Variants in UBR3 observed in about 807,000 individuals in gnomAD.
The protein encoded by UBR3 is ubiquitin protein ligase E3 component n-recognin 3.
In UBR3, 85 loss-of-function variants were observed where a neutral mutation model predicts 243.2. The observed-to-expected ratio is 0.35, with a 90% CI of 0.29 to 0.42. UBR3 has a LOEUF of 0.42. Among genes scored for constraint, UBR3 ranks in the 10% least tolerant of loss-of-function variants. The pLI, the probability that UBR3 is intolerant of heterozygous loss-of-function variation, is 1.00. For synonymous variants in UBR3, 748 were observed against 799.8 expected (o/e 0.94, Z 1.09); for missense variants, 1,686 against 2,300.8 (o/e 0.73, Z 5.47).
chr2:169,895,261 C>G lies in UBR3; in HGVS notation c.1186C>G (p.Gln396Glu). ...LFWTIKYEFP[Q>E]KMVTFLLNML... ...TTGGACTATAAAATATGAATTCCCT[C>G]AAAAGATGGTAACTTTCTTACTCAA... The change falls in exon 7 of 39, where the codon CAA (glutamine) becomes GAA (glutamate). Residue 396 changes from glutamine to glutamate, a missense_variant. Gln to Glu is a conservative substitution (Grantham distance 29). Around this residue, in one of 8 missense-constraint regions of UBR3, gnomAD observed 200 missense variants for 231.6 expected, o/e 0.86. Transcript: ENST00000272793. 1 of 1,545,614 alleles carries G rather than the reference C, an allele frequency of 6.5e-7. No homozygotes were observed. The highest frequency in any genetic ancestry group is 1.2e-5 in the South Asian group (1 of 82,874).
chr2:170,008,306 T>C (rs1160091961), intron 28 of UBR3, among the ~76,000 whole-genome samples: 1 of 152,238 alleles, frequency 6.6e-6, no homozygotes, highest in Non-Finnish European at 1.5e-5. Flanking sequence ...AAATGCATAC[T>C]TTAAACCTAG....
Position 169,947,362 on chromosome 2 carries a change from A to AT in UBR3, c.2911-174dup, listed in dbSNP as rs1211991191. On this transcript the variant is annotated intron_variant, in intron 21 of 38. Transcript: ENST00000272793. ...CATATTAGTATTGAGATATTCCTGCATTTTTTGTTTGAATTTGGTTTTATT... is the reference window on the plus strand; with the variant it reads ...CATATTAGTATTGAGATATTCCTGCATTTTTTTGTTTGAATTTGGTTTTATT... 4.7e-5 allele frequency: 20 copies of AT among 423,102 alleles called. 1 individual carries two copies. Among genetic ancestry groups the AT allele is most frequent in the Admixed American group, 4.4e-5 (1 of 22,602 alleles). The allele number at this position is 423,102 out of a possible 1,614,324, so 26.2% of individuals were successfully genotyped here.
rs1478891677 is a variant in UBR3 at position 170,003,184 on chromosome 2, T to A, written c.4029+1770T>A. Among the ~76,000 whole-genome samples, 4 of 152,238 alleles carry A rather than the reference T, an allele frequency of 2.6e-5. No homozygotes were observed. In the East Asian group the frequency reaches 7.7e-4, roughly 29 times the overall value. On this transcript the variant is annotated intron_variant, in intron 27 of 38. Coordinates refer to ENST00000272793, the MANE Select transcript of UBR3 (RefSeq NM_172070.4). ...GTATGCCTTCCTCACTCATCTTGAT[T>A]ATAGGAATTGCTTTCTTACTGATTT...
intron 32 of UBR3, among the ~76,000 whole-genome samples, chr2:170,051,068 GTATTTTT>G (rs1196719032): frequency 1.3e-5 from 2 of 152,034 alleles, no homozygotes; most frequent in Admixed American, 1.3e-4. Context: ...TTGTTATACT[GTATTTTT>G]TAGGGCATAA....
intron 5 of UBR3, among the ~76,000 whole-genome samples, chr2:169,882,001 A>G (rs1173154871): frequency 1.6e-5 from 2 of 125,506 alleles, no homozygotes; most frequent in African/African-American, 3.1e-5. Context: ...GTATATTTAT[A>G]TAATATATAA....
intron 35 of UBR3, among the ~76,000 whole-genome samples, chr2:170,064,713 AGTTT>A (rs975045232): frequency 6.6e-6 from 1 of 150,980 alleles, no homozygotes; most frequent in Non-Finnish European, 1.5e-5. Flanking sequence ...TACTAGCAGC[AGTTT>A]GTTTTAATTA....
At chr2:170,076,660 T>G (rs1201827704) in intron 36 of UBR3, among the ~76,000 whole-genome samples, 1 of 152,230 alleles carries the variant, frequency 6.6e-6, no homozygotes, top group Non-Finnish European at 1.5e-5. Flanking sequence ...GCAGCTAATA[T>G]ACAGTCAAAT....
rs56963417 is a variant in UBR3 at position 169,861,606 on chromosome 2, C to CAA, written c.546-10616_546-10615dup. Among the ~76,000 whole-genome samples, 577 of 92,090 alleles carry CAA rather than the reference C, an allele frequency of 6.3e-3. 4 individuals are homozygous for CAA. The highest frequency in any genetic ancestry group is 0.021 in the African/African-American group (541 of 26,154). The allele number at this position is 92,090 out of a possible 152,430, so 60.4% of individuals were successfully genotyped here. On this transcript the variant is annotated intron_variant, in intron 1 of 38. Transcript: ENST00000272793. Reference sequence around the variant, plus strand: ...TGGGTGACAGAGCAAGACTCTGTCTCAAAAAAAAAAAAAAAGAAAAGAAAA... The same window carrying CAA: ...TGGGTGACAGAGCAAGACTCTGTCTCAAAAAAAAAAAAAAAAAGAAAAGAAAA...
In UBR3 at chr2:169,997,892, A is replaced by G. The variant is rs1000905868; in HGVS notation, c.3919-3412A>G. ...TGATAAAAGCACCATTTGATTTTCAAGGAAGTTCTCACTCCAGTCATGGAT... is the reference window on the plus strand; with the variant it reads ...TGATAAAAGCACCATTTGATTTTCAGGGAAGTTCTCACTCCAGTCATGGAT... On this transcript the variant is annotated intron_variant, in intron 26 of 38. Transcript: ENST00000272793. 3.3e-5 allele frequency among the ~76,000 whole-genome samples: 5 copies of G among 152,156 alleles called. No homozygotes were observed. The East Asian group carries it at 7.7e-4, about 24-fold the overall frequency.
At chr2:169,996,994 C>T (rs1418654681) in intron 26 of UBR3, among the ~76,000 whole-genome samples, 4 of 151,714 alleles carry the variant, frequency 2.6e-5, no homozygotes, top group Non-Finnish European at 5.9e-5. Flanking sequence ...CCACCATGCC[C>T]GGCCTGCTTT....
intron 29 of UBR3, chr2:170,014,728 T>C (rs2105410623): frequency 6.6e-6 from 1 of 152,604 alleles, no homozygotes; most frequent in African/African-American, 2.4e-5. Context: ...GTTTTAGAAG[T>C]CCGTAAGAGA....
chr2:169,840,250 CT>C (rs752522939), intron 1 of UBR3, among the ~76,000 whole-genome samples: 2 of 152,222 alleles, frequency 1.3e-5, no homozygotes, highest in Non-Finnish European at 2.9e-5. Flanking sequence ...TTCCCCCCAC[CT>C]CCCTCTGGGC....
At chr2:169,973,521 GA>G (rs2088275878) in intron 24 of UBR3, among the ~76,000 whole-genome samples, 1 of 151,892 alleles carries the variant, frequency 6.6e-6, no homozygotes, top group African/African-American at 2.4e-5. Context: ...AACTATACTA[GA>G]AACACTACTG....
At chr2:170,047,059 G>A (rs939726276) in intron 32 of UBR3, among the ~76,000 whole-genome samples, 2 of 152,074 alleles carry the variant, frequency 1.3e-5, no homozygotes, top group Non-Finnish European at 2.9e-5. Flanking sequence ...CAGTGGTACA[G>A]TCATAACTCA....
chr2:169,972,951 A>G (rs1165905064), intron 24 of UBR3, among the ~76,000 whole-genome samples: 6 of 137,126 alleles, frequency 4.4e-5, no homozygotes, highest in East Asian at 4.2e-4. Context: ...AGGGTATTCA[A>G]TTAGGAAAAG....
Position 169,827,602 on chromosome 2 carries a change from C to T in UBR3, c.95C>T (p.Ala32Val). Residue 32 changes from alanine to valine, a missense_variant, in exon 1 of 39, where the codon GCC (alanine) becomes GTC (valine). Ala to Val is a moderately conservative substitution (Grantham distance 64). Around this residue, in one of 8 missense-constraint regions of UBR3, gnomAD observed 79 missense variants for 73.2 expected, o/e 1.08. Transcript: ENST00000272793. ...CTGGCCCTAGACAAGGCGGCCACCG[C>T]CGCGCACCTCAAGGCGGCCCTCAGC... ...PGLALDKAAT[A>V]AHLKAALSRP... 1 of 1,260,426 alleles carries T rather than the reference C, an allele frequency of 7.9e-7. No individual in the cohort carries two copies. 78.1% of individuals were successfully genotyped at this position (1,260,426 alleles called of 1,614,324 possible).
chr2:169,947,542 G>T lies in UBR3; in HGVS notation c.2911G>T (p.Ala971Ser), dbSNP rs1430281197. The change falls in exon 22 of 39, where the codon GCA becomes TCA. Residue 971 changes from alanine to serine, a missense_variant and splice_region_variant. Physicochemically the swap from Ala to Ser is moderately conservative, Grantham distance 99 (BLOSUM62 1). Transcript: ENST00000272793. ...NSAEEESDEE[A>S]SVGGPERCHD... ...ATATTCATTTTTTTTTTTATTTTAGGCATCAGTGGGTGGACCAGAACGTTG... is the reference window on the plus strand; with the variant it reads ...ATATTCATTTTTTTTTTTATTTTAGTCATCAGTGGGTGGACCAGAACGTTG... 1.4e-6 allele frequency: 2 copies of T among 1,448,820 alleles called. No individual in the cohort carries two copies. The highest frequency in any genetic ancestry group is 1.5e-5 in the South Asian group (1 of 66,614). 89.7% of individuals were successfully genotyped at this position (1,448,820 alleles called of 1,614,324 possible).
At chr2:169,971,604 T>A (rs949155126) in intron 24 of UBR3, among the ~76,000 whole-genome samples, 5 of 152,130 alleles carry the variant, frequency 3.3e-5, no homozygotes, top group Non-Finnish European at 5.9e-5. Context: ...ATTGCTTGTT[T>A]TTCTCAGGTT....
At chr2:169,850,151 G>T (rs1574041281) in intron 1 of UBR3, among the ~76,000 whole-genome samples, 1 of 150,528 alleles carries the variant, frequency 6.6e-6, no homozygotes, top group South Asian at 2.1e-4. Context: ...TCTCCTGGTG[G>T]GTGAGAGTTT....
Sources: allele counts gnomAD v4.1 joint callset (sites outside exome capture counted in the v4.1 genomes callset), GRCh38; gene constraint gnomAD v4.1.1; regional missense constraint gnomAD v4.1.1; transcripts MANE v1.5; gene names NCBI Gene and HGNC (gene_info 2026-07-23, HGNC 2026-07-21).